The following EIF2A variants were observed in gnomAD, a reference collection of about 807,000 sequenced individuals.
EIF2A encodes the protein eukaryotic translation initiation factor 2A.
Under a neutral mutation model 75.2 loss-of-function variants are expected in EIF2A, and 62 were observed. That is an observed-to-expected ratio of 0.82 (90% CI 0.67 to 1.02). The LOEUF is 1.02. Ranked by LOEUF, EIF2A falls within the 50% of genes least tolerant of loss-of-function variation. EIF2A has a pLI of 0.00. For synonymous variants in EIF2A, 207 were observed against 239.0 expected (o/e 0.87, Z 1.23); for missense variants, 611 against 677.7 (o/e 0.90, Z 1.09).
At position 150,552,288 on chromosome 3, in the gene EIF2A, A is replaced by G. The variant is rs547586913; in HGVS notation, c.29-68A>G. The G allele has an allele frequency of 2.5e-5, 34 of 1,365,246 alleles. No homozygotes were observed. In the South Asian group the frequency reaches 4.2e-4, roughly 17 times the overall value. The allele number at this position is 1,365,246 out of a possible 1,614,324, so 84.6% of individuals were successfully genotyped here. A position where few individuals can be genotyped will look rare whatever the true frequency, so the allele number is the denominator to read the frequency against. On this transcript the variant is annotated intron_variant, in intron 1 of 13. Transcript: ENST00000460851. Reference sequence around the variant, plus strand: ...TTTGACTAAAGCTGCTTTTTTAAAAAACACATTTGTGTTAACTGAGTCTTT... The same window carrying G: ...TTTGACTAAAGCTGCTTTTTTAAAAGACACATTTGTGTTAACTGAGTCTTT...
At chr3:150,581,296 G>A (rs903564640) in intron 11 of EIF2A, among the ~76,000 whole-genome samples, 3 of 152,120 alleles carry the variant, frequency 2.0e-5, no homozygotes, top group Non-Finnish European at 4.4e-5. Flanking sequence ...CCTTGTAAGA[G>A]TGAAACTTTA....
chr3:150,585,996 TAA>T lies in EIF2A; in HGVS notation c.*2087_*2088del, dbSNP rs1725459249. On this transcript the variant is annotated 3_prime_UTR_variant, in exon 14 of 14. Transcript: ENST00000460851. ...TCTAACCTCCAGAACTGTGAGAAAA[TAA>T]ACTTCTTTGTTTAAACCACCTAGTC... Among the ~76,000 whole-genome samples, 1 of 152,222 alleles carries T rather than the reference TAA, an allele frequency of 6.6e-6. No individual in the cohort carries two copies. Among genetic ancestry groups the T allele is most frequent in the African/African-American group, 2.4e-5 (1 of 41,460 alleles).
chr3:150,548,377 T>C (rs181185514), intron 1 of EIF2A, among the ~76,000 whole-genome samples: 4 of 152,354 alleles, frequency 2.6e-5, no homozygotes, highest in Non-Finnish European at 4.4e-5. Flanking sequence ...TTTATTTCAC[T>C]TACTAAGTAG....
intron 1 of EIF2A, among the ~76,000 whole-genome samples, chr3:150,550,646 G>A (rs1301807582): frequency 1.3e-5 from 2 of 152,262 alleles, no homozygotes; most frequent in East Asian, 3.9e-4. Flanking sequence ...GAGCTGAGGA[G>A]TTTAAGACCA....
intron 2 of EIF2A, among the ~76,000 whole-genome samples, chr3:150,554,191 G>T (rs770164726): frequency 6.6e-6 from 1 of 152,150 alleles, no homozygotes; most frequent in Non-Finnish European, 1.5e-5. Flanking sequence ...GATAAAGCAT[G>T]TCAAGTATAT....
At chr3:150,564,475 T>C (rs1256026712) in intron 6 of EIF2A, 94 bp downstream of exon 6, 3 of 877,480 alleles carry the variant, frequency 3.4e-6, no homozygotes, top group Non-Finnish European at 5.0e-6. Context: ...TCCTAAATAC[T>C]GTTAATCTAT....
chr3:150,562,724 A>G, intron 4 of EIF2A, 64 bp downstream of exon 4: 1 of 1,096,262 alleles, frequency 9.1e-7, no homozygotes, highest in Non-Finnish European at 1.3e-6. Context: ...GGGGGGAAAA[A>G]GTTATAAAGT....
chr3:150,577,868 G>A (rs1275443139), intron 11 of EIF2A, among the ~76,000 whole-genome samples: 1 of 152,144 alleles, frequency 6.6e-6, no homozygotes, highest in East Asian at 1.9e-4. Flanking sequence ...ACCATATTCT[G>A]CTAAAATCTG....
At chr3:150,568,449 A>G (rs757590156) in intron 9 of EIF2A, among the ~76,000 whole-genome samples, 157 bp downstream of exon 9, 4 of 152,240 alleles carry the variant, frequency 2.6e-5, no homozygotes, top group Non-Finnish European at 5.9e-5. Flanking sequence ...AAACTTAAAA[A>G]TCATCCTCCA....
At chr3:150,568,762 A>G (rs1275734447) in intron 9 of EIF2A, among the ~76,000 whole-genome samples, 1 of 152,164 alleles carries the variant, frequency 6.6e-6, no homozygotes, top group East Asian at 1.9e-4. Flanking sequence ...CAAAAAATAG[A>G]AAAAGTTAGC....
intron 10 of EIF2A, among the ~76,000 whole-genome samples, chr3:150,573,467 G>A (rs1240809198): frequency 6.6e-6 from 1 of 152,164 alleles, no homozygotes; most frequent in Non-Finnish European, 1.5e-5. Context: ...GGCCAGGCTG[G>A]TCTGGAACTC....
chr3:150,583,323 T>C, intron 13 of EIF2A, 58 bp downstream of exon 13: 2 of 1,512,968 alleles, frequency 1.3e-6, no homozygotes, highest in Non-Finnish European at 1.8e-6. Context: ...CCCCTTTTAT[T>C]ATAAACAAGT....
intron 3 of EIF2A, among the ~76,000 whole-genome samples, chr3:150,561,257 C>T (rs1723836001): frequency 6.6e-6 from 1 of 152,184 alleles, no homozygotes; most frequent in Admixed American, 6.5e-5. Context: ...AGCCACTGCA[C>T]CTGGCCCATT....
chr3:150,561,125 T>A (rs563532054), intron 3 of EIF2A, among the ~76,000 whole-genome samples: 3 of 152,228 alleles, frequency 2.0e-5, no homozygotes, highest in East Asian at 3.9e-4. Flanking sequence ...TCTATTTATT[T>A]AAAAAAAATT....
intron 4 of EIF2A, 43 bp downstream of exon 4, chr3:150,562,703 T>TA: frequency 6.9e-7 from 1 of 1,449,908 alleles, no homozygotes; most frequent in Non-Finnish European, 9.5e-7. Flanking sequence ...CACGATCAAT[T>TA]ACGTTTAGTG....
chr3:150,572,201 T>C lies in EIF2A; in HGVS notation c.1055T>C (p.Ile352Thr), dbSNP rs545689107. 6.2e-7 allele frequency: 1 copy of C among 1,613,972 alleles called. No individual in the cohort carries two copies. Among genetic ancestry groups the C allele is most frequent in the Non-Finnish European group, 8.5e-7 (1 of 1,179,864 alleles). ...EVWDVKNYKL[I>T]SKPVASDSTY... ...TGGGATGTGAAAAACTACAAACTTA[T>C]TTCTAAACCGGTGGCTTCTGATTCT... Residue 352 changes from isoleucine (I) to threonine (T), a missense_variant, in exon 10 of 14, where the codon ATT becomes ACT. Physicochemically the swap from Ile to Thr is moderately conservative, Grantham distance 89. Coordinates refer to ENST00000460851, the MANE Select transcript of EIF2A (RefSeq NM_032025.5).
chr3:150,564,740 A>C (rs1724078961), intron 6 of EIF2A: 1 of 187,378 alleles, frequency 5.3e-6, no homozygotes, highest in African/African-American at 2.4e-5. Context: ...GGCCAATCTT[A>C]TCTCATCCAT....
At chr3:150,547,885 G>A (rs1209389127) in intron 1 of EIF2A, among the ~76,000 whole-genome samples, 4 of 152,124 alleles carry the variant, frequency 2.6e-5, no homozygotes, top group African/African-American at 9.7e-5. Context: ...AAAAGGCAAA[G>A]TTACATAATA....
intron 6 of EIF2A, chr3:150,564,669 G>A (rs182776776): frequency 0.013 from 3,093 of 229,720 alleles, 40 homozygotes; most frequent in South Asian, 0.024. Flanking sequence ...AAATTTTTTA[G>A]ATATTTTATC....
Sources: allele counts gnomAD v4.1 joint callset (sites outside exome capture counted in the v4.1 genomes callset), GRCh38; gene constraint gnomAD v4.1.1; transcripts MANE v1.5; gene names NCBI Gene and HGNC (gene_info 2026-07-23, HGNC 2026-07-21).